MATN2: variants seen among roughly 807,000 people sequenced by gnomAD.
MATN2 encodes matrilin 2, also known as matrilin-2.
A neutral mutation model predicts 103.2 loss-of-function variants in MATN2; 69 were observed. That is an observed-to-expected ratio of 0.67 (90% CI 0.55 to 0.82). The LOEUF (loss-of-function observed/expected upper bound fraction) is 0.82. MATN2 is among the 40% of genes least tolerant of loss of function. The probability of loss-of-function intolerance (pLI) is 0.00; values close to 1 mark genes in which losing one functional copy is unlikely to be tolerated. For missense variants in MATN2, 1,023 were observed against 1,211.5 expected, an observed-to-expected ratio of 0.84 and a Z score of 2.31; for synonymous variants, 429 against 450.2, an observed-to-expected ratio of 0.95 and a Z score of 0.60.
chr8:97,925,736 G>A (rs958409398), intron 2 of MATN2, among the ~76,000 whole-genome samples: 2 of 152,188 alleles, frequency 1.3e-5, no homozygotes, highest in African/African-American at 4.8e-5. Flanking sequence ...ACAGAAAGTG[G>A]CAGAGGCTGG....
chr8:97,911,490 C>T (rs898255634), intron 2 of MATN2, among the ~76,000 whole-genome samples: 6 of 151,816 alleles, frequency 4.0e-5, no homozygotes, highest in African/African-American at 1.5e-4. Flanking sequence ...AGGCGGATCA[C>T]GAGGTCAAGA....
At chr8:97,894,053 C>G (rs551802491) in intron 2 of MATN2, among the ~76,000 whole-genome samples, 10 of 152,206 alleles carry the variant, frequency 6.6e-5, no homozygotes, top group African/African-American at 9.7e-5. Flanking sequence ...ACTACACACT[C>G]AGAAGTTATG....
At chr8:98,021,146 A>G in intron 12 of MATN2, 59 bp from the exon 13 acceptor site, 2 of 1,551,502 alleles carry the variant, frequency 1.3e-6, no homozygotes, top group South Asian at 2.3e-5. Context: ...TCACATGACT[A>G]TTCAATTCAC....
chr8:97,997,819 T>TG (rs1208730129), intron 7 of MATN2, among the ~76,000 whole-genome samples: 4 of 63,398 alleles, frequency 6.3e-5, no homozygotes, highest in Admixed American at 1.2e-4. Context: ...TGGAGAAGGT[T>TG]TTTTTTTTTT....
chr8:98,013,641 G>C (rs946510183), intron 10 of MATN2, among the ~76,000 whole-genome samples: 3 of 152,220 alleles, frequency 2.0e-5, no homozygotes, highest in Non-Finnish European at 4.4e-5. Flanking sequence ...AACAGAAACA[G>C]AGACTGTCTT....
chr8:97,885,296 AT>A (rs1186479381), intron 1 of MATN2, among the ~76,000 whole-genome samples: 1 of 152,198 alleles, frequency 6.6e-6, no homozygotes, highest in African/African-American at 2.4e-5. Flanking sequence ...TCACATATAA[AT>A]GATGTAACAC....
intron 8 of MATN2, chr8:98,004,345 C>CA (rs1385491835): frequency 1.9e-5 from 3 of 157,670 alleles, no homozygotes; most frequent in African/African-American, 7.3e-5. Flanking sequence ...TAGGCATAAG[C>CA]ACTCAATAAA....
intron 2 of MATN2, among the ~76,000 whole-genome samples, chr8:97,921,209 C>T (rs1809796280): frequency 6.6e-6 from 1 of 152,120 alleles, no homozygotes; most frequent in African/African-American, 2.4e-5. Context: ...TAAATGCCTC[C>T]AGAATTTGCA....
chr8:97,978,378 G>A (rs889213474), intron 5 of MATN2, among the ~76,000 whole-genome samples: 2 of 152,070 alleles, frequency 1.3e-5, no homozygotes, highest in Non-Finnish European at 2.9e-5. Context: ...TATTTTCTAG[G>A]ATTTTTTGTT....
At position 98,005,323 on chromosome 8, in the gene MATN2, C is replaced by T. The variant is rs1432311303; in HGVS notation, c.1327+1540C>T. Among the ~76,000 whole-genome samples, 1 of 152,162 alleles carries T rather than the reference C, an allele frequency of 6.6e-6. No individual in the cohort carries two copies. Among genetic ancestry groups the T allele is most frequent in the African/African-American group, 2.4e-5 (1 of 41,436 alleles). ...GTCCTTTTGAGAGGCCAGCGGGGAG[C>T]GGGTCTCCCATTCAACAGGAGATGC... is the stretch of plus-strand genomic sequence containing the variant. On this transcript the variant is annotated intron_variant, in intron 8 of 18. Transcript: ENST00000254898. This position sits in a 1 kb window ranked among gnomAD's most constrained non-coding sequence, Gnocchi z 4.6.
chr8:97,964,978 C>A (rs541778391), intron 5 of MATN2, among the ~76,000 whole-genome samples: 11 of 152,288 alleles, frequency 7.2e-5, no homozygotes, highest in Admixed American at 2.0e-4. Flanking sequence ...AAGTAGTCTA[C>A]CTGCCTCGGC....
intron 4 of MATN2, among the ~76,000 whole-genome samples, chr8:97,948,743 A>G (rs1339725116): frequency 6.6e-6 from 1 of 152,272 alleles, no homozygotes; most frequent in Non-Finnish European, 1.5e-5. Context: ...CCTAAATGCA[A>G]GAGCAGACAC....
chr8:97,904,978 G>T (rs1211734177), intron 2 of MATN2, among the ~76,000 whole-genome samples: 1 of 152,148 alleles, frequency 6.6e-6, no homozygotes, highest in Admixed American at 6.5e-5. Flanking sequence ...TAGCAGTACT[G>T]TGTCTCCAGT....
chr8:97,998,688 T>G (rs1166390867), intron 7 of MATN2, among the ~76,000 whole-genome samples: 1 of 150,338 alleles, frequency 6.7e-6, no homozygotes, highest in South Asian at 2.1e-4. Context: ...TTTATATTTT[T>G]AAAATTGTTA....
At chr8:97,979,584 C>T (rs1052822317) in intron 6 of MATN2, among the ~76,000 whole-genome samples, 2 of 151,846 alleles carry the variant, frequency 1.3e-5, no homozygotes, top group African/African-American at 4.8e-5. Context: ...ATTAGTTTTG[C>T]AAAAAAGATA....
intron 8 of MATN2, among the ~76,000 whole-genome samples, chr8:98,006,218 A>C (rs1224366899): frequency 6.6e-6 from 1 of 152,180 alleles, no homozygotes; most frequent in Non-Finnish European, 1.5e-5. Context: ...TTTGTTTTTT[A>C]ATCTGGATGT....
intron 2 of MATN2, among the ~76,000 whole-genome samples, chr8:97,893,823 G>A (rs1323906097): frequency 1.3e-5 from 2 of 152,116 alleles, no homozygotes; most frequent in Non-Finnish European, 2.9e-5. Context: ...GATTACTGGC[G>A]TGAGCCGCCG....
chr8:97,881,768 G>C (rs1316844165), intron 1 of MATN2, among the ~76,000 whole-genome samples: 2 of 152,104 alleles, frequency 1.3e-5, no homozygotes. Flanking sequence ...CATTGAGATG[G>C]ATACATGCAC....
intron 6 of MATN2, among the ~76,000 whole-genome samples, chr8:97,991,167 A>G (rs1360468516): frequency 6.6e-6 from 1 of 152,264 alleles, no homozygotes; most frequent in Non-Finnish European, 1.5e-5. Flanking sequence ...GCATCATACA[A>G]TACAGTAGTC....
Sources: allele counts gnomAD v4.1 joint callset (sites outside exome capture counted in the v4.1 genomes callset), GRCh38; gene constraint gnomAD v4.1.1; non-coding constraint Gnocchi (gnomAD v3.1); transcripts MANE v1.5; gene names NCBI Gene and HGNC (gene_info 2026-07-23, HGNC 2026-07-21).